Variants in SLC4A10 observed in about 807,000 individuals in gnomAD.
The protein encoded by SLC4A10 is solute carrier family 4 member 10.
SLC4A10 carries 42 observed loss-of-function variants against 137.7 expected under a neutral mutation model. The ratio of observed to expected loss-of-function variants is 0.30; its 90% CI spans 0.24 to 0.39. The LOEUF is 0.39. Ranked by LOEUF, SLC4A10 falls within the 10% of genes least tolerant of loss-of-function variation. SLC4A10 has a pLI of 1.00. For missense variants in SLC4A10, 925 were observed against 1,355.0 expected, an observed-to-expected ratio of 0.68 and a Z score of 4.98; for synonymous variants, 474 against 464.1, an observed-to-expected ratio of 1.02 and a Z score of -0.27.
intron 12 of SLC4A10, 101 bp from the exon 13 acceptor site, chr2:161,903,903 G>T: frequency 8.2e-7 from 1 of 1,217,886 alleles, no homozygotes; most frequent in South Asian, 1.6e-5. Context: ...CTCTGCTGAT[G>T]GAAAACGTAT....
chr2:161,915,706 T>C (rs1686964650), intron 15 of SLC4A10, among the ~76,000 whole-genome samples: 1 of 152,216 alleles, frequency 6.6e-6, no homozygotes, highest in Non-Finnish European at 1.5e-5. Context: ...TTGCTTGTTC[T>C]GGTTCCCACA....
At chr2:161,950,932 C>A in intron 19 of SLC4A10, 84 bp downstream of exon 19, 2 of 1,078,942 alleles carry the variant, frequency 1.9e-6, no homozygotes, top group Non-Finnish European at 2.6e-6. Flanking sequence ...ATTCTGTATT[C>A]ATTTGCACAG....
chr2:161,625,066 C>CGTGTGT lies in SLC4A10; in HGVS notation c.48+541_48+546dup, dbSNP rs5835872. ...AAACCAGGGGAAAGAACAGAAGGAT[C>CGTGTGT]GTGTGTGTGTGTGTGTGTGTGTGTG... On this transcript the variant is annotated intron_variant, in intron 1 of 26. Transcript: ENST00000446997. 9.2e-3 allele frequency among the ~76,000 whole-genome samples: 1,332 copies of CGTGTGT among 144,280 alleles called. 18 individuals are homozygous for CGTGTGT. The highest frequency in any genetic ancestry group is 0.024 in the African/African-American group (915 of 38,714). The allele number at this position is 144,280 out of a possible 152,430, so 94.7% of individuals were successfully genotyped here. A position where few individuals can be genotyped will look rare whatever the true frequency, so the allele number is the denominator to read the frequency against.
intron 15 of SLC4A10, chr2:161,931,240 C>T (rs1044492688): frequency 2.6e-5 from 4 of 152,308 alleles, no homozygotes; most frequent in African/African-American, 9.6e-5. Context: ...TTCAGCCACT[C>T]TTCTGGCCTG....
At chr2:161,658,763 G>T (rs1224109459) in intron 1 of SLC4A10, among the ~76,000 whole-genome samples, 3 of 151,698 alleles carry the variant, frequency 2.0e-5, no homozygotes, top group African/African-American at 7.3e-5. Context: ...GCTAATTTTT[G>T]GATTTTTGGT....
At chr2:161,890,446 GA>G (rs752144500) in intron 10 of SLC4A10, among the ~76,000 whole-genome samples, 4 of 152,134 alleles carry the variant, frequency 2.6e-5, no homozygotes, top group African/African-American at 4.8e-5. Flanking sequence ...AGTTCTCTAA[GA>G]ACTTGCTTTA....
intron 1 of SLC4A10, among the ~76,000 whole-genome samples, chr2:161,663,003 C>T (rs1466646632): frequency 6.6e-6 from 1 of 152,144 alleles, no homozygotes; most frequent in Admixed American, 6.5e-5. Context: ...TTGTCCACCC[C>T]CCTTCCCCCA....
At chr2:161,713,617 T>C (rs894031888) in intron 1 of SLC4A10, among the ~76,000 whole-genome samples, 1 of 151,806 alleles carries the variant, frequency 6.6e-6, no homozygotes, top group African/African-American at 2.4e-5. Context: ...GCAAGGACAA[T>C]CTAGTGGGAT....
rs190110976 is a variant in SLC4A10 at position 161,661,800 on chromosome 2, G to T, written c.48+37234G>T. ...AACATTATTTGTACAATCTTAGTAG[G>T]AAGTAAAAGTGATGAAACTTAAGAT... On this transcript the variant is annotated intron_variant, in intron 1 of 26. Transcript: ENST00000446997. Among the ~76,000 whole-genome samples the T allele has an allele frequency of 5.0e-3, 763 of 152,032 alleles. 9 individuals carry two copies. Among genetic ancestry groups the T allele is most frequent in the South Asian group, 0.034 (164 of 4,812 alleles).
chr2:161,872,381 C>A lies in SLC4A10; in HGVS notation c.855C>A (p.Ser285Arg). The A allele has an allele frequency of 1.2e-6, 2 of 1,612,268 alleles. No individual in the cohort carries two copies. Among genetic ancestry groups the A allele is most frequent in the Non-Finnish European group, 8.5e-7 (1 of 1,178,660 alleles). Reference sequence around the variant, plus strand: ...GAGAAAACAGCACTGTTGACTTTAGCAAGGTGAGCTTTTCTCCCTCTCATC... The same window carrying A: ...GAGAAAACAGCACTGTTGACTTTAGAAAGGTGAGCTTTTCTCCCTCTCATC... The part of the protein sequence containing the change: ...VSRENSTVDF[S>R]KGLGGQQKGH... Residue 285 changes from serine (S) to arginine (R), a missense_variant, in exon 7 of 27, where the codon AGC becomes AGA. Around this residue, in one of 11 missense-constraint regions of SLC4A10, gnomAD observed 277 missense variants for 306.1 expected, o/e 0.90. Coordinates refer to ENST00000446997, the MANE Select transcript of SLC4A10 (RefSeq NM_001178015.2).
intron 1 of SLC4A10, among the ~76,000 whole-genome samples, chr2:161,713,831 C>T (rs2044556599): frequency 6.6e-6 from 1 of 151,824 alleles, no homozygotes; most frequent in African/African-American, 2.4e-5. Flanking sequence ...CTACTCCATA[C>T]ACCAGAGGCA....
chr2:161,654,463 C>G (rs896182443), intron 1 of SLC4A10, among the ~76,000 whole-genome samples: 1 of 152,092 alleles, frequency 6.6e-6, no homozygotes, highest in Non-Finnish European at 1.5e-5. Context: ...TTGTCAAGAC[C>G]AGTGTCATGA....
At chr2:161,791,700 A>G (rs2054233442) in intron 2 of SLC4A10, among the ~76,000 whole-genome samples, 2 of 152,298 alleles carry the variant, frequency 1.3e-5, no homozygotes, top group Non-Finnish European at 2.9e-5. Flanking sequence ...ATGTTTCATC[A>G]CTTTATTTTT....
At chr2:161,954,403 T>C (rs1695305457) in intron 19 of SLC4A10, among the ~76,000 whole-genome samples, 1 of 152,118 alleles carries the variant, frequency 6.6e-6, no homozygotes, top group South Asian at 2.1e-4. Context: ...TCCCTTTTCC[T>C]CCCATATGTC....
intron 21 of SLC4A10, among the ~76,000 whole-genome samples, chr2:161,959,084 A>G (rs766860492): frequency 1.4e-4 from 22 of 152,240 alleles, no homozygotes; most frequent in Non-Finnish European, 2.9e-4. Context: ...ATACAAAGTA[A>G]GAAACTATTG....
chr2:161,699,275 C>T (rs1036913917), intron 1 of SLC4A10, among the ~76,000 whole-genome samples: 2 of 152,172 alleles, frequency 1.3e-5, no homozygotes, highest in African/African-American at 2.4e-5. Flanking sequence ...CGGCCTCGGC[C>T]TCCCAAAGTG....
intron 3 of SLC4A10, among the ~76,000 whole-genome samples, chr2:161,834,443 G>A (rs941732475): frequency 4.6e-5 from 7 of 152,124 alleles, no homozygotes; most frequent in African/African-American, 1.7e-4. Context: ...TCAGGTGCAG[G>A]AGTAAAATCA....
intron 1 of SLC4A10, among the ~76,000 whole-genome samples, chr2:161,769,371 T>A (rs374414854): frequency 6.6e-6 from 1 of 152,136 alleles, no homozygotes; most frequent in South Asian, 2.1e-4. Flanking sequence ...TCCTTGTGGG[T>A]CACATTTTGT....
At chr2:161,733,363 G>C (rs2047004799) in intron 1 of SLC4A10, among the ~76,000 whole-genome samples, 1 of 152,184 alleles carries the variant, frequency 6.6e-6, no homozygotes, top group African/African-American at 2.4e-5. Flanking sequence ...TAGCTCTCAG[G>C]CCATGGCTTC....
Sources: allele counts gnomAD v4.1 joint callset (sites outside exome capture counted in the v4.1 genomes callset), GRCh38; gene constraint gnomAD v4.1.1; regional missense constraint gnomAD v4.1.1; transcripts MANE v1.5; gene names NCBI Gene and HGNC (gene_info 2026-07-23, HGNC 2026-07-21).